The following DNAJB1 variants were observed in gnomAD, a reference collection of about 807,000 sequenced individuals.
DNAJB1 encodes the protein dnaJ homolog subfamily B member 1.
In DNAJB1, 14 loss-of-function variants were observed where a neutral mutation model predicts 24.0. The ratio of observed to expected loss-of-function variants is 0.58; its 90% CI spans 0.39 to 0.91. DNAJB1 has a LOEUF of 0.91. Ranked by LOEUF, DNAJB1 falls within the 40% of genes least tolerant of loss-of-function variation. The probability of loss-of-function intolerance (pLI) is 0.00; values close to 1 mark genes in which losing one functional copy is unlikely to be tolerated. For missense variants in DNAJB1, 517 were observed against 458.1 expected (o/e 1.13, Z -1.17); for synonymous variants, 262 against 174.4 (o/e 1.50, Z -3.96).
chr19:14,548,503 T>C (rs2073379390), intron 1 of DNAJB1, among the ~76,000 whole-genome samples: 1 of 152,180 alleles, frequency 6.6e-6, no homozygotes, highest in African/African-American at 2.4e-5. Flanking sequence ...AAGCCAGGGG[T>C]TGGCAAACTT....
chr19:14,518,057 G>C (rs1462657001), intron 1 of DNAJB1, 82 bp downstream of exon 1: 63 of 1,331,076 alleles, frequency 4.7e-5, no homozygotes, highest in Non-Finnish European at 5.8e-5. Flanking sequence ...TCCTTCCCGG[G>C]GGGCCGCCGA....
intron 1 of DNAJB1, among the ~76,000 whole-genome samples, chr19:14,547,914 G>T (rs2073360100): frequency 1.4e-5 from 2 of 147,642 alleles, no homozygotes; most frequent in Admixed American, 1.3e-4. Flanking sequence ...GGCCTCGAGG[G>T]ATCCTCCTGC....
chr19:14,536,076 C>G (rs934151992), intron 1 of DNAJB1, among the ~76,000 whole-genome samples: 1 of 152,044 alleles, frequency 6.6e-6, no homozygotes, highest in African/African-American at 2.4e-5. Flanking sequence ...GATGAGGGAC[C>G]TGAGACCCAG....
chr19:14,529,859 GC>G (rs1488175491), upstream of DNAJB1: 4 of 1,109,502 alleles, frequency 3.6e-6, no homozygotes, highest in Non-Finnish European at 5.4e-6. Context: ...TGCGCCCCGG[GC>G]CACTCGTAAA....
intron 1 of DNAJB1, among the ~76,000 whole-genome samples, chr19:14,547,545 C>A (rs1337321740): frequency 6.6e-6 from 1 of 151,944 alleles, no homozygotes; most frequent in Non-Finnish European, 1.5e-5. Context: ...TATTTTCAGT[C>A]GAGATGAGTT....
In DNAJB1 at chr19:14,518,248, G is replaced by A. The variant is rs754141308; in HGVS notation, c.102C>T (p.Asp34=). 4 of 1,608,570 alleles carry A rather than the reference G, an allele frequency of 2.5e-6. No individual in the cohort carries two copies. Among genetic ancestry groups the A allele is most frequent in the Non-Finnish European group, 3.4e-6 (4 of 1,178,062 alleles). The change falls in exon 1 of 3, where the codon GAC becomes GAT. Residue 34 remains aspartate (D), a synonymous_variant. Coordinates refer to ENST00000254322, the MANE Select transcript of DNAJB1 (RefSeq NM_006145.3). ...YRRQALRYHP[D]KNKEPGAEEK... ...CCTCGGCGCCGGGCTCCTTGTTCTT[G>A]TCCGGGTGGTAGCGCAGCGCCTGGC...
upstream of DNAJB1, chr19:14,529,957 G>C (rs1205972158): frequency 1.0e-5 from 6 of 589,722 alleles, no homozygotes; most frequent in Non-Finnish European, 1.8e-5. Flanking sequence ...TCTCTGCAGG[G>C]GCTGGGACGC....
upstream of DNAJB1, chr19:14,518,468 A>G (rs1426694574): frequency 5.1e-6 from 4 of 780,914 alleles, no homozygotes; most frequent in Admixed American, 4.3e-5. Context: ...CCCCCTCCAG[A>G]ACCTTCCGCC....
At chr19:14,541,714 C>T (rs1194682800) in intron 1 of DNAJB1, among the ~76,000 whole-genome samples, 2 of 151,900 alleles carry the variant, frequency 1.3e-5, no homozygotes, top group African/African-American at 2.4e-5. Context: ...GCATATGTCC[C>T]ACGTTGAGGG....
intron 1 of DNAJB1, among the ~76,000 whole-genome samples, chr19:14,543,432 T>A (rs1424418347): frequency 0.022 from 631 of 28,494 alleles, 12 homozygotes; most frequent in Non-Finnish European, 0.041. Flanking sequence ...TTTTTTTTTT[T>A]TTTTTTTTTT....
At chr19:14,533,861 G>T (rs182860897), upstream of DNAJB1, 1 of 152,094 alleles carries the variant, frequency 6.6e-6, no homozygotes, top group Non-Finnish European at 1.5e-5. Context: ...GTCGGTAAGC[G>T]AACTGCTTAT....
Position 14,515,596 on chromosome 19 carries a change from A to C in DNAJB1, c.*344T>G, listed in dbSNP as rs2072242374. ...TGACATTATCTACCAGCCAGAAGCAAAAAGACACAGAGGGATCAAGTCCAT... is the reference window on the plus strand; with the variant it reads ...TGACATTATCTACCAGCCAGAAGCACAAAGACACAGAGGGATCAAGTCCAT... On this transcript the variant is annotated 3_prime_UTR_variant, in exon 3 of 3. Coordinates refer to ENST00000254322, the MANE Select transcript of DNAJB1 (RefSeq NM_006145.3). The C allele has an allele frequency of 3.6e-6, 1 of 280,764 alleles. No individual in the cohort carries two copies. The highest frequency in any genetic ancestry group is 6.8e-6 in the Non-Finnish European group (1 of 147,860). 17.4% of individuals were successfully genotyped at this position (280,764 alleles called of 1,614,324 possible).
chr19:14,524,070 T>G (rs1226831434), intron 2 of DNAJB1, among the ~76,000 whole-genome samples: 1 of 152,216 alleles, frequency 6.6e-6, no homozygotes, highest in Non-Finnish European at 1.5e-5. Context: ...TGAGAGGTCA[T>G]GTGACTTCCC....
chr19:14,525,040 C>T (rs2072404057), intron 2 of DNAJB1, among the ~76,000 whole-genome samples: 1 of 151,994 alleles, frequency 6.6e-6, no homozygotes, highest in Admixed American at 6.6e-5. Flanking sequence ...TGGAGACCAT[C>T]CTGACCAACA....
intron 1 of DNAJB1, among the ~76,000 whole-genome samples, chr19:14,550,011 T>G (rs1054660679): frequency 1.3e-5 from 2 of 151,998 alleles, no homozygotes; most frequent in Non-Finnish European, 2.9e-5. Context: ...TCCCCTTTCC[T>G]TTCTTTCTTC....
In DNAJB1 at chr19:14,515,531, AAGG is replaced by A. The variant is rs567906296; in HGVS notation, c.*406_*408del. 3.1e-3 allele frequency: 601 copies of A among 191,842 alleles called. 13 individuals carry two copies. Among genetic ancestry groups the A allele is most frequent in the Non-Finnish European group, 7.7e-4 (72 of 93,380 alleles). 11.9% of individuals were successfully genotyped at this position (191,842 alleles called of 1,614,324 possible). A position where few individuals can be genotyped will look rare whatever the true frequency, so the allele number is the denominator to read the frequency against. On this transcript the variant is annotated 3_prime_UTR_variant, in exon 3 of 3. Transcript: ENST00000254322. ...AGCACAAACTGATCACACAACAGAA[AAGG>A]AGGAGTGTACAGGGTCTGGGAATCA...
chr19:14,518,103 A>G (rs1484141819), intron 1 of DNAJB1, 36 bp downstream of exon 1: 1 of 1,430,862 alleles, frequency 7.0e-7, no homozygotes, highest in Admixed American at 2.9e-5. Flanking sequence ...CTGTCTGTCA[A>G]AAGGCGGGGC....
At chr19:14,524,863 A>G (rs1350553242) in intron 2 of DNAJB1, among the ~76,000 whole-genome samples, 1 of 151,004 alleles carries the variant, frequency 6.6e-6, no homozygotes, top group African/African-American at 2.4e-5. Context: ...AAAGACCTTC[A>G]AAAAGCGCTA....
chr19:14,529,820 C>G (rs530850662), upstream of DNAJB1: 1 of 1,517,884 alleles, frequency 6.6e-7, no homozygotes, highest in African/African-American at 1.4e-5. Flanking sequence ...AAGGAAGAGC[C>G]AGACGGCGCA....
Sources: allele counts gnomAD v4.1 joint callset (sites outside exome capture counted in the v4.1 genomes callset), GRCh38; gene constraint gnomAD v4.1.1; transcripts MANE v1.5; gene names NCBI Gene and HGNC (gene_info 2026-07-23, HGNC 2026-07-21).